ZNF831: variants seen among roughly 807,000 people sequenced by gnomAD.
ZNF831 encodes the protein zinc finger protein 831.
In ZNF831, 59 loss-of-function variants were observed where a neutral mutation model predicts 95.8. The ratio of observed to expected loss-of-function variants is 0.62; its 90% confidence interval spans 0.50 to 0.77. The LOEUF is 0.77. Ranked by LOEUF, ZNF831 falls within the 30% of genes least tolerant of loss-of-function variation. ZNF831 has a pLI of 0.00. For synonymous variants in ZNF831, 961 were observed against 925.5 expected (o/e 1.04, Z -0.70); for missense variants, 2,205 against 2,164.0 (o/e 1.02, Z -0.38).
rs993867360 is a variant in ZNF831, at chr20:59,257,930, T to C, written c.*3187T>C. ...TGTACCTACACCCAGCTAGATCTTG[T>C]CGTTAAAGATGTATGGAGGGAAGAG... On this transcript the variant is annotated 3_prime_UTR_variant, in exon 6 of 6. Transcript: ENST00000371030. 6.6e-6 allele frequency: 1 copy of C among 152,186 alleles called. No homozygotes were observed. Among genetic ancestry groups the C allele is most frequent in the African/African-American group, 2.4e-5 (1 of 41,448 alleles). The allele number at this position is 152,186 out of a possible 1,614,324, so 9.4% of individuals were successfully genotyped here.
rs561101404 is a variant in ZNF831 at position 59,176,845 on chromosome 20, A to G, written c.-37+12638A>G. Among the ~76,000 whole-genome samples, 13 of 152,348 alleles carry G rather than the reference A, an allele frequency of 8.5e-5. No individual in the cohort carries two copies. The South Asian group carries it at 2.3e-3, about 27-fold the overall frequency. ...ATTATATAAAAGAATAACCATCATC[A>G]ATACAATATTCTGAATTCATTATTT... On this transcript the variant is annotated intron_variant, in intron 1 of 5. Coordinates refer to ENST00000371030, the MANE Select transcript of ZNF831 (RefSeq NM_178457.3).
rs2146549970 is a variant in ZNF831 at position 59,191,574 on chromosome 20, C to A, written c.555C>A (p.Ser185Arg). 6.2e-7 allele frequency: 1 copy of A among 1,611,766 alleles called. No individual in the cohort carries two copies. The highest frequency in any genetic ancestry group is 8.5e-7 in the Non-Finnish European group (1 of 1,179,202). Residue 185 changes from serine to arginine, a missense_variant, in exon 2 of 6, where the codon AGC becomes AGA. Ser to Arg is a moderately radical substitution (Grantham distance 110, BLOSUM62 -1). Transcript: ENST00000371030. The stretch of plus-strand genomic sequence containing the variant: ...GCGGCATCGCCTTTAAGACCCAGAG[C>A]AATCTCTACAAGCACAGGCGGACGC... The part of the protein sequence containing the change: ...ATCGIAFKTQ[S>R]NLYKHRRTQT...
intron 2 of ZNF831, among the ~76,000 whole-genome samples, chr20:59,154,993 C>T (rs114290078): frequency 0.017 from 2,637 of 152,322 alleles, 68 homozygotes; most frequent in African/African-American, 0.059. Flanking sequence ...AGTCCCATGA[C>T]GGCAAGGGGG....
At chr20:59,200,940 A>ATTT (rs1984486136) in intron 3 of ZNF831, among the ~76,000 whole-genome samples, 1 of 152,214 alleles carries the variant, frequency 6.6e-6, no homozygotes, top group South Asian at 2.1e-4. Flanking sequence ...ATGACTATAA[A>ATTT]TATTCATATG....
Position 59,258,841 on chromosome 20 carries a change from A to G in ZNF831, c.*4098A>G, listed in dbSNP as rs1988294916. The G allele has an allele frequency of 6.6e-6, 1 of 152,216 alleles. No homozygotes were observed. The allele number at this position is 152,216 out of a possible 1,614,324, so 9.4% of individuals were successfully genotyped here. On this transcript the variant is annotated 3_prime_UTR_variant, in exon 6 of 6. Coordinates refer to ENST00000371030, the MANE Select transcript of ZNF831 (RefSeq NM_178457.3). ...CCATGCTTTGCACTTACGTAGGAATATACATAATTTGGTCTGAAGAAGTAT... is the reference window on the plus strand; with the variant it reads ...CCATGCTTTGCACTTACGTAGGAATGTACATAATTTGGTCTGAAGAAGTAT...
chr20:59,227,106 A>C (rs1986473458), intron 4 of ZNF831, among the ~76,000 whole-genome samples: 1 of 152,180 alleles, frequency 6.6e-6, no homozygotes, highest in Non-Finnish European at 1.5e-5. Context: ...ATAATGACTA[A>C]ATTTGTGTTA....
intron 4 of ZNF831, among the ~76,000 whole-genome samples, chr20:59,227,662 C>G (rs920940133): frequency 6.6e-6 from 1 of 152,028 alleles, no homozygotes; most frequent in Non-Finnish European, 1.5e-5. Context: ...ATATTGATTC[C>G]TCATCCATAT....
At chr20:59,181,300 A>C (rs545202339) in intron 1 of ZNF831, among the ~76,000 whole-genome samples, 18 of 152,190 alleles carry the variant, frequency 1.2e-4, no homozygotes, top group African/African-American at 4.1e-4. Flanking sequence ...AGCTTGCAAA[A>C]ATTTTCTCCC....
At position 59,193,977 on chromosome 20, in the gene ZNF831, C is replaced by T. The variant is rs1420230568; in HGVS notation, c.2958C>T (p.Thr986=). ...CATTTGTTGGGTCAGGACTGGGGACCCCTCTTTCTCCCAGCCCAGCCTCAG... is the reference window on the plus strand; with the variant it reads ...CATTTGTTGGGTCAGGACTGGGGACTCCTCTTTCTCCCAGCCCAGCCTCAG... ...RASFVGSGLG[T]PLSPSPASGP... is the part of the protein sequence containing the mutation. Residue 986 remains threonine (T), a synonymous_variant, in exon 2 of 6, where the codon ACC becomes ACT. Coordinates refer to ENST00000371030, the MANE Select transcript of ZNF831 (RefSeq NM_178457.3). The T allele has an allele frequency of 4.6e-6, 7 of 1,537,116 alleles. No individual in the cohort carries two copies. The African/African-American group carries it at 8.3e-5, about 18-fold the overall frequency.
In ZNF831 at chr20:59,193,406, A is replaced by G. The variant is rs2146582792; in HGVS notation, c.2387A>G (p.Gln796Arg). The change falls in exon 2 of 6, where the codon CAG becomes CGG. Residue 796 changes from glutamine (Q) to arginine (R), a missense_variant. Coordinates refer to ENST00000371030, the MANE Select transcript of ZNF831 (RefSeq NM_178457.3). ...GGTGCCCGAGGTGTGGGGGATGTTC[A>G]GGAGACCTGCCTGTGGGCCCAGACT... The part of the protein sequence containing the change: ...EGGARGVGDV[Q>R]ETCLWAQTVL... The G allele has an allele frequency of 6.3e-7, 1 of 1,599,976 alleles. No individual in the cohort carries two copies. Among genetic ancestry groups the G allele is most frequent in the Non-Finnish European group, 8.5e-7 (1 of 1,173,396 alleles).
intron 4 of ZNF831, among the ~76,000 whole-genome samples, chr20:59,240,948 A>C (rs1014436747): frequency 6.6e-6 from 1 of 152,000 alleles, no homozygotes; most frequent in East Asian, 1.9e-4. Flanking sequence ...TGAGCTTGTA[A>C]ATTTTTAATG....
intron 1 of ZNF831, among the ~76,000 whole-genome samples, chr20:59,181,108 C>T (rs1041922875): frequency 1.8e-4 from 28 of 152,198 alleles, no homozygotes; most frequent in Non-Finnish European, 3.8e-4. Flanking sequence ...TTTTGATTTG[C>T]ATTTCTCTAA....
chr20:59,192,637 GC>G lies in ZNF831; in HGVS notation c.1621del (p.Arg541AlafsTer8). ...QKPLSPRPGP[A>X]RLGCRSGLSS... ...GCCTCTGAGCCCCAGGCCCGGCCCA[GC>G]CCGCCTGGGCTGCCGCTCGGGACTA... On this transcript the variant is annotated frameshift_variant, in exon 2 of 6. Transcript: ENST00000371030. LOFTEE classifies it high-confidence loss of function. The surrounding 1 kb of genome is among the most constrained non-coding windows in gnomAD (Gnocchi z 5.2). The G allele has an allele frequency of 6.7e-7, 1 of 1,499,062 alleles. No homozygotes were observed. The highest frequency in any genetic ancestry group is 8.9e-7 in the Non-Finnish European group (1 of 1,126,644). 92.9% of individuals were successfully genotyped at this position (1,499,062 alleles called of 1,614,324 possible). A position where few individuals can be genotyped will look rare whatever the true frequency, so the allele number is the denominator to read the frequency against.
intron 1 of ZNF831, among the ~76,000 whole-genome samples, chr20:59,182,061 T>G (rs11906655): frequency 0.045 from 6,894 of 152,198 alleles, 428 homozygotes; most frequent in African/African-American, 0.14. Flanking sequence ...ACTTCTCAAC[T>G]CCTTGATCTT....
chr20:59,127,911 C>T (rs1979226396), intron 1 of ZNF831, among the ~76,000 whole-genome samples: 1 of 152,228 alleles, frequency 6.6e-6, no homozygotes, highest in Admixed American at 6.5e-5. Context: ...CCCTGGTGAG[C>T]TCTCAGGGCA....
At chr20:59,222,500 T>C (rs936233164) in intron 4 of ZNF831, among the ~76,000 whole-genome samples, 6 of 151,960 alleles carry the variant, frequency 3.9e-5, no homozygotes, top group South Asian at 2.1e-4. Flanking sequence ...CTCTTTTTTT[T>C]TTTTTGTGTG....
chr20:59,196,665 C>T lies in ZNF831; in HGVS notation c.3875+660C>T, dbSNP rs997094660. On this transcript the variant is annotated intron_variant, in intron 3 of 5. Coordinates refer to ENST00000371030, the MANE Select transcript of ZNF831 (RefSeq NM_178457.3). The stretch of plus-strand genomic sequence containing the variant: ...CCCTGTGATCTCCTCCTCTCCTGCT[C>T]GCCCTCCACCCTCATCCCATTCTCT... Among the ~76,000 whole-genome samples, 8 of 152,200 alleles carry T rather than the reference C, an allele frequency of 5.3e-5. No individual in the cohort carries two copies. In the South Asian group the frequency reaches 6.2e-4, roughly 12 times the overall value.
At chr20:59,165,786 C>T (rs748432464) in intron 1 of ZNF831, among the ~76,000 whole-genome samples, 7 of 151,898 alleles carry the variant, frequency 4.6e-5, no homozygotes, top group Non-Finnish European at 7.4e-5. Flanking sequence ...TAATCTCGCT[C>T]TGTCACCCAG....
intron 1 of ZNF831, among the ~76,000 whole-genome samples, chr20:59,172,186 A>G (rs1000503286): frequency 2.0e-5 from 3 of 152,222 alleles, no homozygotes; most frequent in Admixed American, 1.3e-4. Flanking sequence ...ATGATATCAT[A>G]GTAGACTGAC....
Sources: gnomAD v4.1 joint callset for allele counts (sites outside exome capture counted in the v4.1 genomes callset) on GRCh38, gnomAD v4.1.1 for gene constraint, Gnocchi (gnomAD v3.1) non-coding constraint, MANE v1.5 for transcripts, NCBI Gene and HGNC (gene_info 2026-07-23, HGNC 2026-07-21) for gene names.